Variants in CKB observed in about 807,000 individuals in gnomAD.
CKB encodes the protein creatine kinase B, also known as creatine kinase B-type.
Under a neutral mutation model 36.9 loss-of-function variants are expected in CKB, and 15 were observed. The ratio of observed to expected loss-of-function variants is 0.41; its 90% CI spans 0.27 to 0.63. The LOEUF is 0.63. CKB is among the 20% of genes least tolerant of loss of function. CKB has a pLI of 0.34. For synonymous variants in CKB, 250 were observed against 228.2 expected (o/e 1.10, Z -0.86); for missense variants, 413 against 534.9 (o/e 0.77, Z 2.25).
chr14:103,520,461 C>T lies in CKB; in HGVS notation c.777+8G>A, dbSNP rs771366122. 1.3e-6 allele frequency: 2 copies of T among 1,599,060 alleles called. No homozygotes were observed. Among genetic ancestry groups the T allele is most frequent in the South Asian group, 1.1e-5 (1 of 89,616 alleles). On this transcript the variant is annotated splice_region_variant and intron_variant, in intron 6 of 7. Coordinates refer to ENST00000348956, the MANE Select transcript of CKB (RefSeq NM_001823.5). ...CCCTGGGGTCTGGGCCTGCCCCGTC[C>T]CTGGCACCTGGGTGAGGCCGGTGCA...
chr14:103,522,301 C>T lies in CKB; in HGVS notation c.193G>A (p.Gly65Ser). 1 of 1,604,108 alleles carries T rather than the reference C, an allele frequency of 6.2e-7. No homozygotes were observed. The highest frequency in any genetic ancestry group is 8.5e-7 in the Non-Finnish European group (1 of 1,177,788). The part of the protein sequence containing the change: ...DVIQTGVDNP[G>S]HPYIMTVGCV... ...ACCCCGGCCCCGAGGGGTCGCGTAC[C>T]CGGGTTGTCCACGCCTGTCTGGATG... Residue 65 changes from glycine (G) to serine (S), a missense_variant and splice_region_variant, in exon 2 of 8, where the codon GGC becomes AGC. Gly to Ser is a moderately conservative substitution (Grantham distance 56). Transcript: ENST00000348956. The surrounding 1 kb of genome is among the most constrained non-coding windows in gnomAD (Gnocchi z 6.7).
chr14:103,521,713 C>A, intron 4 of CKB, 105 bp downstream of exon 4: 1 of 1,237,064 alleles, frequency 8.1e-7, no homozygotes, highest in South Asian at 2.1e-5. Flanking sequence ...CAGATAAGAG[C>A]GCGACGGCGG....
chr14:103,521,074 T>A, intron 5 of CKB, 189 bp downstream of exon 5: 1 of 770,864 alleles, frequency 1.3e-6, no homozygotes, highest in South Asian at 1.5e-5. Context: ...TTAACGCACC[T>A]GCTCGGCCAA....
In CKB at chr14:103,520,488, A is replaced by G; in HGVS notation, c.758T>C (p.Phe253Ser). ...TGGCACCTGGGTGAGGCCGGTGCAG[A>G]AGCGGGTGAACACCTCCTTCATGTT... ...GGNMKEVFTR[F>S]CTGLTQIETL... Residue 253 changes from phenylalanine (F) to serine (S), a missense_variant, in exon 6 of 8, where the codon TTC (phenylalanine) becomes TCC (serine). This residue lies in a region of CKB where 314 missense variants were observed against 409.4 expected (regional missense o/e 0.77). Coordinates refer to ENST00000348956, the MANE Select transcript of CKB (RefSeq NM_001823.5). 1 of 1,604,226 alleles carries G rather than the reference A, an allele frequency of 6.2e-7. No homozygotes were observed. Among genetic ancestry groups the G allele is most frequent in the Non-Finnish European group, 8.5e-7 (1 of 1,175,354 alleles).
At position 103,520,109 on chromosome 14, in the gene CKB, C is replaced by T; in HGVS notation, c.967+13G>A. 6.2e-7 allele frequency: 1 copy of T among 1,602,906 alleles called. No individual in the cohort carries two copies. On this transcript the variant is annotated intron_variant, in intron 7 of 7. Coordinates refer to ENST00000348956, the MANE Select transcript of CKB (RefSeq NM_001823.5). Reference sequence around the variant, plus strand: ...CAAAGGCCACGGGAAGCCGCAGCACCTGCCCTGCTCACCTGTGCCTCGCTT... The same window carrying T: ...CAAAGGCCACGGGAAGCCGCAGCACTTGCCCTGCTCACCTGTGCCTCGCTT...
intron 5 of CKB, chr14:103,520,865 G>C (rs545024357): frequency 2.0e-6 from 1 of 511,408 alleles, no homozygotes; most frequent in Admixed American, 3.5e-5. Flanking sequence ...GTGGGGGTAG[G>C]AGCCCTGCCC....
At position 103,520,156 on chromosome 14, in the gene CKB, C is replaced by T. The variant is rs773698625; in HGVS notation, c.933G>A (p.Val311=). The change falls in exon 7 of 8, where the codon GTG becomes GTA. Residue 311 remains valine, a synonymous_variant. Coordinates refer to ENST00000348956, the MANE Select transcript of CKB (RefSeq NM_001823.5). ...NLGKHEKFSE[V]LKRLRLQKRG... ...GCTTCTGAAGTCGCAGCCGCTTAAG[C>T]ACCTCCGAGAACTTCTCATGCTTGC... 1 of 1,607,346 alleles carries T rather than the reference C, an allele frequency of 6.2e-7. No individual in the cohort carries two copies. Among genetic ancestry groups the T allele is most frequent in the South Asian group, 1.1e-5 (1 of 90,840 alleles).
rs528121888 is a variant in CKB at position 103,520,543 on chromosome 14, G to A, written c.703C>T (p.Leu235=). ...CCCTTCTGCATGGAGATGACCCGCA[G>A]GTGGTCCTCCTCGTTGACCCACACC... ...FLVWVNEEDH[L]RVISMQKGGN... The change falls in exon 6 of 8, where the codon CTG becomes TTG. Residue 235 remains leucine, a synonymous_variant. Coordinates refer to ENST00000348956, the MANE Select transcript of CKB (RefSeq NM_001823.5). 9.3e-6 allele frequency: 15 copies of A among 1,613,042 alleles called. No individual in the cohort carries two copies. The South Asian group carries it at 1.6e-4, about 18-fold the overall frequency.
In CKB at chr14:103,519,837, G is replaced by C. The variant is rs373959684; in HGVS notation, c.*27C>G. 1 of 1,576,446 alleles carries C rather than the reference G, an allele frequency of 6.3e-7. No homozygotes were observed. The highest frequency in any genetic ancestry group is 1.3e-5 in the African/African-American group (1 of 74,456). ...CCAGGCAATAAGTTAGGAAGCAGCA[G>C]GGCTGGTGTCGGGTGTGGGCCGGGC... On this transcript the variant is annotated 3_prime_UTR_variant, in exon 8 of 8. Transcript: ENST00000348956.
rs565251206 is a variant in CKB at position 103,522,382 on chromosome 14, G to T, written c.112C>A (p.Leu38Met). Residue 38 changes from leucine to methionine, a missense_variant, in exon 2 of 8, where the codon CTG (leucine) becomes ATG (methionine). Around this residue, in one of 3 missense-constraint regions of CKB, gnomAD observed 74 missense variants for 70.6 expected, o/e 1.05. Coordinates refer to ENST00000348956, the MANE Select transcript of CKB (RefSeq NM_001823.5). This position sits in a 1 kb window ranked among gnomAD's most constrained non-coding sequence, Gnocchi z 6.7. ...CTCTTGGCGCGCAGCTCCGCGTACAGCTCGGGGGTCAGCACCTTGGCCATG... is the reference window on the plus strand; with the variant it reads ...CTCTTGGCGCGCAGCTCCGCGTACATCTCGGGGGTCAGCACCTTGGCCATG... ...NHMAKVLTPE[L>M]YAELRAKSTP... is the part of the protein sequence containing the mutation. The T allele has an allele frequency of 1.2e-6, 2 of 1,611,664 alleles. No individual in the cohort carries two copies. Among genetic ancestry groups the T allele is most frequent in the African/African-American group, 1.3e-5 (1 of 74,746 alleles).
intron 5 of CKB, 130 bp from the exon 6 acceptor site, chr14:103,520,722 C>T: frequency 7.6e-7 from 1 of 1,312,796 alleles, no homozygotes; most frequent in Non-Finnish European, 1.0e-6. Flanking sequence ...TGCCAAGACT[C>T]CACCCGCCAA....
At position 103,521,741 on chromosome 14, in the gene CKB, C is replaced by T. The variant is rs2142231220; in HGVS notation, c.481+77G>A. ...GACGGCGGCTGCCGCTCCCGGGCGA[C>T]GTAAACAAAAGCGGGCGGGGACCGC... On this transcript the variant is annotated intron_variant, in intron 4 of 7. Transcript: ENST00000348956. The T allele has an allele frequency of 3.8e-6, 5 of 1,302,956 alleles. No individual in the cohort carries two copies. In the South Asian group the frequency reaches 8.1e-5, roughly 21 times the overall value. The allele number at this position is 1,302,956 out of a possible 1,614,324, so 80.7% of individuals were successfully genotyped here.
rs1481069810 is a variant in CKB at position 103,520,103 on chromosome 14, C to T, written c.967+19G>A. The T allele has an allele frequency of 1.2e-5, 20 of 1,602,652 alleles. No individual in the cohort carries two copies. The highest frequency in any genetic ancestry group is 2.2e-5 in the East Asian group (1 of 44,704). ...GCTGCCCAAAGGCCACGGGAAGCCG[C>T]AGCACCTGCCCTGCTCACCTGTGCC... On this transcript the variant is annotated intron_variant, in intron 7 of 7. Transcript: ENST00000348956.
chr14:103,521,172 CGAGGGGCCCCACCCCCGCGA>C, intron 5 of CKB, 71 bp downstream of exon 5: 2 of 1,451,064 alleles, frequency 1.4e-6, no homozygotes, highest in Non-Finnish European at 1.9e-6. Flanking sequence ...CTCCTCGCCG[CGAGGGGCCCCACCCCCGCGA>C]GGGGGGCGAG....
At chr14:103,521,132 G>A in intron 5 of CKB, 131 bp downstream of exon 5, 2 of 1,147,678 alleles carry the variant, frequency 1.7e-6, no homozygotes, top group Non-Finnish European at 2.5e-6. Flanking sequence ...GACCCGGAGC[G>A]CGGCCGGCCC....
rs747013097 is a variant in CKB at position 103,520,106 on chromosome 14, C to A, written c.967+16G>T. Reference sequence around the variant, plus strand: ...GCCCAAAGGCCACGGGAAGCCGCAGCACCTGCCCTGCTCACCTGTGCCTCG... The same window carrying A: ...GCCCAAAGGCCACGGGAAGCCGCAGAACCTGCCCTGCTCACCTGTGCCTCG... On this transcript the variant is annotated intron_variant, in intron 7 of 7. Transcript: ENST00000348956. 1.9e-6 allele frequency: 3 copies of A among 1,602,782 alleles called. No homozygotes were observed. Among genetic ancestry groups the A allele is most frequent in the Non-Finnish European group, 2.6e-6 (3 of 1,174,228 alleles).
intron 6 of CKB, 44 bp downstream of exon 6, chr14:103,520,425 C>G: frequency 6.3e-7 from 1 of 1,591,274 alleles, no homozygotes; most frequent in South Asian, 1.1e-5. Context: ...GCACCCACAT[C>G]CCTGCTGGGG....
chr14:103,521,939 G>T lies in CKB; in HGVS notation c.360C>A (p.Asp120Glu). Reference sequence around the variant, plus strand: ...AGCTCAGCACGTAGTTGGGGTCCAGGTCGTCGCCGCCCTGGGAGGCGAGAC... The same window carrying T: ...AGCTCAGCACGTAGTTGGGGTCCAGTTCGTCGCCGCCCTGGGAGGCGAGAC... ...LNPDNLQGGDDLDPNYVLSSR... is the reference protein window; with the variant it reads ...LNPDNLQGGDELDPNYVLSSR... Residue 120 changes from aspartate (D) to glutamate (E), a missense_variant, in exon 4 of 8, where the codon GAC becomes GAA. Asp to Glu is a conservative substitution (Grantham distance 45, BLOSUM62 2). This residue lies in a region of CKB where 314 missense variants were observed against 409.4 expected (regional missense o/e 0.77). Transcript: ENST00000348956. The T allele has an allele frequency of 6.3e-7, 1 of 1,578,294 alleles. No individual in the cohort carries two copies. Among genetic ancestry groups the T allele is most frequent in the Non-Finnish European group, 8.6e-7 (1 of 1,169,008 alleles).
rs1009309305 is a variant in CKB, at chr14:103,522,803, G to A, written c.-50C>T. ...CGGGGGCGGGGGCGCTCCGTCCGTC[G>A]GCAGCTCCCGGAGCGACGCAGGCGA... On this transcript the variant is annotated 5_prime_UTR_variant, in exon 1 of 8. Coordinates refer to ENST00000348956, the MANE Select transcript of CKB (RefSeq NM_001823.5). The surrounding 1 kb of genome is among the most constrained non-coding windows in gnomAD (Gnocchi z 6.7). The A allele has an allele frequency of 5.3e-5, 8 of 150,878 alleles. No homozygotes were observed. The highest frequency in any genetic ancestry group is 1.9e-4 in the African/African-American group (8 of 41,264). 9.3% of individuals were successfully genotyped at this position (150,878 alleles called of 1,614,324 possible). A position where few individuals can be genotyped will look rare whatever the true frequency, so the allele number is the denominator to read the frequency against.
Sources: gnomAD v4.1 joint callset for allele counts on GRCh38, gnomAD v4.1.1 for gene constraint, gnomAD v4.1.1 regional missense constraint, Gnocchi (gnomAD v3.1) non-coding constraint, MANE v1.5 for transcripts, NCBI Gene and HGNC (gene_info 2026-07-23, HGNC 2026-07-21) for gene names.